COBL: variants seen among roughly 807,000 people sequenced by gnomAD.
COBL encodes cordon-bleu WH2 repeat protein.
COBL carries 51 observed loss-of-function variants against 98.8 expected under a neutral mutation model. The observed-to-expected ratio is 0.52, with a 90% confidence interval of 0.41 to 0.65. COBL has a LOEUF of 0.65. Ranked by LOEUF, COBL falls within the 30% of genes least tolerant of loss-of-function variation. COBL has a pLI of 0.00. For synonymous variants in COBL, 634 were observed against 651.7 expected (o/e 0.97, Z 0.41); for missense variants, 1,617 against 1,617.5 (o/e 1.00, Z 0.01).
chr7:51,265,088 C>A (rs973096112), intron 1 of COBL, among the ~76,000 whole-genome samples: 12 of 152,302 alleles, frequency 7.9e-5, no homozygotes, highest in African/African-American at 2.9e-4. Context: ...CAACCAGCGG[C>A]AGCACTTCTG....
chr7:51,147,194 A>G (rs1424245081), intron 5 of COBL, among the ~76,000 whole-genome samples: 1 of 152,184 alleles, frequency 6.6e-6, no homozygotes, highest in African/African-American at 2.4e-5. Context: ...TCTCTAGAGA[A>G]CAGCTGGGAG....
chr7:51,109,579 C>A (rs1036559096), intron 6 of COBL, among the ~76,000 whole-genome samples: 1 of 152,088 alleles, frequency 6.6e-6, no homozygotes, highest in Non-Finnish European at 1.5e-5. Flanking sequence ...CCTGAGTTAT[C>A]TTAAATGCTT....
chr7:51,054,983 A>C (rs1055827726), intron 7 of COBL, among the ~76,000 whole-genome samples: 1 of 152,148 alleles, frequency 6.6e-6, no homozygotes, highest in East Asian at 1.9e-4. Context: ...AGCAGCCTGG[A>C]GAGTTGAGGG....
intron 1 of COBL, among the ~76,000 whole-genome samples, chr7:51,224,076 A>G (rs1793928688): frequency 2.0e-5 from 3 of 152,218 alleles, no homozygotes; most frequent in Admixed American, 6.5e-5. Context: ...TGTTCAGCAC[A>G]GTAACATGCC....
intron 1 of COBL, among the ~76,000 whole-genome samples, chr7:51,221,661 A>G (rs1293918141): frequency 6.6e-6 from 1 of 152,236 alleles, no homozygotes; most frequent in Non-Finnish European, 1.5e-5. Context: ...GCAGTTTAGA[A>G]AGATAAAGAA....
intron 1 of COBL, among the ~76,000 whole-genome samples, chr7:51,246,573 G>A (rs1241284729): frequency 6.6e-6 from 1 of 152,194 alleles, no homozygotes; most frequent in Non-Finnish European, 1.5e-5. Flanking sequence ...AATCCTGCCT[G>A]CACACCGTAC....
At chr7:51,157,744 A>G (rs566144500) in intron 5 of COBL, among the ~76,000 whole-genome samples, 57 of 152,350 alleles carry the variant, frequency 3.7e-4, no homozygotes, top group South Asian at 2.3e-3. Flanking sequence ...TATGGTGACT[A>G]TAACTACTAA....
chr7:51,085,384 G>A (rs1794130525), intron 6 of COBL, 80 bp from the exon 7 acceptor site: 3 of 1,402,520 alleles, frequency 2.1e-6, no homozygotes. Context: ...TAGGGTGATT[G>A]TGCTGGGGCA....
At chr7:51,025,519 G>C in intron 11 of COBL, 147 bp from the exon 12 acceptor site, 1 of 767,066 alleles carries the variant, frequency 1.3e-6, no homozygotes. Flanking sequence ...AATGGGATTA[G>C]TGCTCTTATA....
intron 6 of COBL, among the ~76,000 whole-genome samples, chr7:51,090,113 C>G (rs868699531): frequency 9.9e-5 from 15 of 152,200 alleles, no homozygotes; most frequent in African/African-American, 3.6e-4. Context: ...AGGTATACAA[C>G]ACATAAAATT....
intron 1 of COBL, among the ~76,000 whole-genome samples, chr7:51,286,777 A>G (rs1800407108): frequency 1.3e-5 from 2 of 152,212 alleles, no homozygotes; most frequent in African/African-American, 4.8e-5. Flanking sequence ...AAAGGAAAAG[A>G]AACCATTGTG....
At chr7:51,303,572 A>C (rs997295850) in intron 1 of COBL, among the ~76,000 whole-genome samples, 2 of 152,208 alleles carry the variant, frequency 1.3e-5, no homozygotes, top group Non-Finnish European at 1.5e-5. Context: ...TCATTCCACA[A>C]GGAAGTGTGT....
At chr7:51,186,708 G>A (rs371066856) in intron 4 of COBL, among the ~76,000 whole-genome samples, 26 of 152,160 alleles carry the variant, frequency 1.7e-4, no homozygotes, top group Non-Finnish European at 2.9e-4. Flanking sequence ...GCTGAGCTGC[G>A]CCTAACACTG....
chr7:51,083,120 A>C, intron 7 of COBL: 1 of 1,495,232 alleles, frequency 6.7e-7, no homozygotes, highest in Non-Finnish European at 8.9e-7. Context: ...GAGAGGCTCC[A>C]CCACGTCTGT....
intron 7 of COBL, among the ~76,000 whole-genome samples, chr7:51,056,812 A>AACACAC (rs3047115): frequency 0.2 from 29,073 of 143,474 alleles, 3,547 homozygotes; most frequent in African/African-American, 0.34. Context: ...GTGCTCTCCC[A>AACACAC]ACACACACAC....
chr7:51,316,597 T>A lies in COBL; in HGVS notation c.37A>T (p.Thr13Ser). Residue 13 changes from threonine (T) to serine (S), a missense_variant, in exon 1 of 13, where the codon ACC becomes TCC. Transcript: ENST00000265136. Reference protein sequence around the residue: ...APRASAAKPPTGRKMKARAPP... With the variant: ...APRASAAKPPSGRKMKARAPP... ...CCCGACCGCGGGGCCGCTTACCCGG[T>A]CGGGGGCTTGGCCGCCGAGGCGCGC... The A allele has an allele frequency of 8.3e-7, 1 of 1,204,388 alleles. No homozygotes were observed. Among genetic ancestry groups the A allele is most frequent in the Non-Finnish European group, 1.0e-6 (1 of 970,692 alleles). The allele number at this position is 1,204,388 out of a possible 1,614,324, so 74.6% of individuals were successfully genotyped here. A position where few individuals can be genotyped will look rare whatever the true frequency, so the allele number is the denominator to read the frequency against.
At chr7:51,023,593 G>A (rs886306010) in intron 12 of COBL, among the ~76,000 whole-genome samples, 24 of 152,168 alleles carry the variant, frequency 1.6e-4, no homozygotes, top group African/African-American at 5.8e-4. Flanking sequence ...TCTTGCACAG[G>A]GCAACAAAGT....
intron 7 of COBL, among the ~76,000 whole-genome samples, chr7:51,078,773 C>T (rs1793333312): frequency 6.6e-6 from 1 of 152,156 alleles, no homozygotes; most frequent in Non-Finnish European, 1.5e-5. Flanking sequence ...AGGATCTGCC[C>T]CCAACTTCAC....
Position 51,255,843 on chromosome 7 carries a change from C to T in COBL, c.42-35899G>A, listed in dbSNP as rs188101726. On this transcript the variant is annotated intron_variant, in intron 1 of 12. Transcript: ENST00000265136. ...GCCCTGAATGTTGCCCCACCTGATGCGGCCACTCAGCTGACCGATGAGACT... is the reference window on the plus strand; with the variant it reads ...GCCCTGAATGTTGCCCCACCTGATGTGGCCACTCAGCTGACCGATGAGACT... 4.0e-3 allele frequency among the ~76,000 whole-genome samples: 605 copies of T among 152,224 alleles called. 2 individuals are homozygous for T. The highest frequency in any genetic ancestry group is 6.8e-3 in the Middle Eastern group (2 of 294).
Sources: allele counts gnomAD v4.1 joint callset (sites outside exome capture counted in the v4.1 genomes callset), GRCh38; gene constraint gnomAD v4.1.1; transcripts MANE v1.5; gene names NCBI Gene and HGNC (gene_info 2026-07-23, HGNC 2026-07-21).